The following SAMD5 variants were observed in gnomAD, a reference collection of about 807,000 sequenced individuals.
The protein encoded by SAMD5 is sterile alpha motif domain-containing protein 5.
SAMD5 carries 13 observed loss-of-function variants against 11.3 expected under a neutral mutation model. The observed-to-expected ratio is 1.15, with a 90% confidence interval of 0.75 to 1.83. The LOEUF is 1.83. Ranked by LOEUF, SAMD5 falls within the 40% of genes most tolerant of loss-of-function variation. The pLI is 0.00. For missense variants in SAMD5, 255 were observed against 239.1 expected, an observed-to-expected ratio of 1.07 and a Z score of -0.44; for synonymous variants, 129 against 111.3, an observed-to-expected ratio of 1.16 and a Z score of -1.00.
At chr6:147,853,343 T>G in the SAMD5 span, among the ~76,000 whole-genome samples, 1 of 152,014 alleles carries the variant, frequency 6.6e-6, no homozygotes, top group African/African-American at 2.4e-5. Context: ...TCCCATGCTT[T>G]GGGCTCCTTT....
chr6:147,921,397 G>T, the SAMD5 span, among the ~76,000 whole-genome samples: 2 of 151,996 alleles, frequency 1.3e-5, no homozygotes, highest in Non-Finnish European at 2.9e-5. Flanking sequence ...TAGTTGTTGT[G>T]TAGGAGTCTA....
chr6:147,895,016 T>G, the SAMD5 span, among the ~76,000 whole-genome samples: 43 of 152,334 alleles, frequency 2.8e-4, no homozygotes, highest in African/African-American at 1.0e-3. Flanking sequence ...TTAATAAAAA[T>G]TATTCTGCAG....
chr6:147,618,505 T>C (rs1003693969), intron 1 of SAMD5, among the ~76,000 whole-genome samples: 7 of 152,138 alleles, frequency 4.6e-5, no homozygotes, highest in Non-Finnish European at 8.8e-5. Flanking sequence ...TTGCAGCCAG[T>C]GGTGAAGATA....
chr6:147,563,492 A>G (rs996784872), intron 1 of SAMD5, among the ~76,000 whole-genome samples: 1 of 152,200 alleles, frequency 6.6e-6, no homozygotes, highest in African/African-American at 2.4e-5. Context: ...GCAGCACAAA[A>G]TTTCCAGGAA....
intron 1 of SAMD5, among the ~76,000 whole-genome samples, chr6:147,513,732 A>T (rs1788124299): frequency 1.3e-5 from 2 of 152,140 alleles, no homozygotes; most frequent in South Asian, 4.1e-4. Flanking sequence ...GAGATTGACA[A>T]GGGTAAGCAG....
rs955167899 is a variant in SAMD5, at chr6:147,598,206, C to A, written c.162+88819C>A. Reference sequence around the variant, plus strand: ...ATGGTGTGATCATGGCTCACTGCAACCTCTGCCTCCTGGGTTCAAGCAATC... The same window carrying A: ...ATGGTGTGATCATGGCTCACTGCAAACTCTGCCTCCTGGGTTCAAGCAATC... On this transcript the variant is annotated intron_variant, in intron 1 of 1. Coordinates refer to the SAMD5 transcript ENST00000566741. 8.6e-5 allele frequency among the ~76,000 whole-genome samples: 13 copies of A among 151,896 alleles called. No homozygotes were observed. In the Middle Eastern group the frequency reaches 0.01, roughly 119 times the overall value.
the SAMD5 span, among the ~76,000 whole-genome samples, chr6:147,830,063 G>T: frequency 6.6e-6 from 1 of 151,998 alleles, no homozygotes; most frequent in Non-Finnish European, 1.5e-5. Flanking sequence ...TGGATTCATT[G>T]CAAGAGTGAG....
Position 147,556,313 on chromosome 6 carries a change from C to T in SAMD5, c.460-8081C>T, listed in dbSNP as rs181453051. ...TTCACCGTGTTAACCAGGATGGTCTCGATCTCCTGACCTCGTGATCCACCT... is the reference window on the plus strand; with the variant it reads ...TTCACCGTGTTAACCAGGATGGTCTTGATCTCCTGACCTCGTGATCCACCT... On this transcript the variant is annotated intron_variant, in intron 1 of 1. Coordinates refer to ENST00000367474, the MANE Select transcript of SAMD5 (RefSeq NM_001030060.3). Among the ~76,000 whole-genome samples the T allele has an allele frequency of 9.2e-3, 1,396 of 152,118 alleles. 19 individuals carry two copies. Among genetic ancestry groups the T allele is most frequent in the African/African-American group, 0.031 (1,276 of 41,500 alleles).
At chr6:147,899,170 CAAAAAAAAA>C in the SAMD5 span, among the ~76,000 whole-genome samples, 2 of 62,626 alleles carry the variant, frequency 3.2e-5, no homozygotes, top group African/African-American at 1.4e-4. Context: ...GACTCTGTCT[CAAAAAAAAA>C]AAAAAAAAAA....
At chr6:147,917,927 G>T in the SAMD5 span, among the ~76,000 whole-genome samples, 21 of 152,114 alleles carry the variant, frequency 1.4e-4, no homozygotes, top group East Asian at 5.8e-4. Context: ...CGCTCTGTTT[G>T]GGTACCAGTA....
chr6:147,526,159 G>A lies in SAMD5; in HGVS notation c.459+16772G>A, dbSNP rs933262822. Among the ~76,000 whole-genome samples, 7 of 152,206 alleles carry A rather than the reference G, an allele frequency of 4.6e-5. No individual in the cohort carries two copies. In the East Asian group the frequency reaches 1.2e-3, roughly 25 times the overall value. ...GATATGTGCAGAGGGAATGGGAGCA[G>A]TGTTTTGCAGGGAAACCACTTTAAA... is the stretch of plus-strand genomic sequence containing the variant. On this transcript the variant is annotated intron_variant, in intron 1 of 1. Coordinates refer to ENST00000367474, the MANE Select transcript of SAMD5 (RefSeq NM_001030060.3).
the SAMD5 span, among the ~76,000 whole-genome samples, chr6:147,754,668 T>C: frequency 6.6e-6 from 1 of 152,144 alleles, no homozygotes; most frequent in Non-Finnish European, 1.5e-5. Context: ...TCCCCGATGT[T>C]TTCTTGTATT....
At chr6:147,523,373 G>A (rs1421352413) in intron 1 of SAMD5, among the ~76,000 whole-genome samples, 3 of 152,096 alleles carry the variant, frequency 2.0e-5, no homozygotes, top group Admixed American at 6.6e-5. Flanking sequence ...GGTCATTGAA[G>A]CAAGGATTAA....
chr6:147,583,913 A>G (rs1789337528), intron 1 of SAMD5, among the ~76,000 whole-genome samples: 1 of 152,140 alleles, frequency 6.6e-6, no homozygotes, highest in African/African-American at 2.4e-5. Flanking sequence ...CAAATACATG[A>G]TAAAGTTCTT....
intron 1 of SAMD5, among the ~76,000 whole-genome samples, chr6:147,634,431 T>A (rs1790194861): frequency 1.3e-5 from 2 of 152,112 alleles, no homozygotes; most frequent in Non-Finnish European, 2.9e-5. Context: ...CATGATCCAA[T>A]TATCTCCCAT....
chr6:147,769,992 G>A, the SAMD5 span, among the ~76,000 whole-genome samples: 13 of 152,140 alleles, frequency 8.5e-5, no homozygotes, highest in Non-Finnish European at 1.8e-4. Flanking sequence ...CATCCTTCCC[G>A]TAAGCTGTAG....
At chr6:147,654,794 A>G (rs1052959660) in intron 1 of SAMD5, among the ~76,000 whole-genome samples, 1 of 150,402 alleles carries the variant, frequency 6.6e-6, no homozygotes, top group African/African-American at 2.4e-5. Context: ...AAAAAAAAAT[A>G]TAAAACAAAG....
At chr6:147,747,436 C>T in the SAMD5 span, among the ~76,000 whole-genome samples, 3 of 152,186 alleles carry the variant, frequency 2.0e-5, no homozygotes, top group Non-Finnish European at 1.5e-5. Flanking sequence ...TTTGACTTCA[C>T]TCAATTGAAT....
intron 1 of SAMD5, among the ~76,000 whole-genome samples, chr6:147,719,845 A>G (rs1583152405): frequency 6.6e-6 from 1 of 152,180 alleles, no homozygotes; most frequent in South Asian, 2.1e-4. Flanking sequence ...TCATATAACT[A>G]TGTTTAATTA....
Sources: gnomAD v4.1 joint callset for allele counts (sites outside exome capture counted in the v4.1 genomes callset) on GRCh38, gnomAD v4.1.1 for gene constraint, MANE v1.5 for transcripts, NCBI Gene and HGNC (gene_info 2026-07-23, HGNC 2026-07-21) for gene names.